The following PLPP4 variants were observed in gnomAD, a reference collection of about 807,000 sequenced individuals.
PLPP4 encodes the protein phospholipid phosphatase 4, also known as diacylglycerol pyrophosphate like 2.
Under a neutral mutation model 32.2 loss-of-function variants are expected in PLPP4, and 20 were observed. The ratio of observed to expected loss-of-function variants is 0.62; its 90% confidence interval spans 0.44 to 0.90. The LOEUF (loss-of-function observed/expected upper bound fraction) is 0.90. Among genes scored for constraint, PLPP4 ranks in the 40% least tolerant of loss-of-function variants. The probability of loss-of-function intolerance (pLI) is 0.00; values close to 1 mark genes in which losing one functional copy is unlikely to be tolerated. For missense variants in PLPP4, 257 were observed against 353.1 expected, an observed-to-expected ratio of 0.73 and a Z score of 2.18; for synonymous variants, 127 against 133.0, an observed-to-expected ratio of 0.95 and a Z score of 0.31.
At chr10:120,469,227 CT>C (rs540404965) in intron 1 of PLPP4, among the ~76,000 whole-genome samples, 12,325 of 32,240 alleles carry the variant, frequency 0.38, 4,319 homozygotes, top group South Asian at 0.71. Flanking sequence ...GGAACTGCAA[CT>C]TTTTTTTTTT....
At chr10:120,541,280 A>G (rs967361913) in intron 5 of PLPP4, among the ~76,000 whole-genome samples, 1 of 152,198 alleles carries the variant, frequency 6.6e-6, no homozygotes, top group Non-Finnish European at 1.5e-5. Context: ...ATTGATTTCT[A>G]GAATGGGAGT....
intron 5 of PLPP4, among the ~76,000 whole-genome samples, chr10:120,572,379 A>G (rs550985908): frequency 6.6e-6 from 1 of 152,316 alleles, no homozygotes; most frequent in African/African-American, 2.4e-5. Flanking sequence ...TGTAGGCAGT[A>G]TTGGTTGCTT....
At chr10:120,457,414 C>T in intron 1 of PLPP4, 53 bp downstream of exon 1, 1 of 1,482,120 alleles carries the variant, frequency 6.7e-7, no homozygotes, top group Non-Finnish European at 9.1e-7. Context: ...GAACAACCGA[C>T]CAAGCCTCTC....
intron 5 of PLPP4, among the ~76,000 whole-genome samples, chr10:120,572,825 G>A (rs190953035): frequency 6.6e-6 from 1 of 152,320 alleles, no homozygotes; most frequent in East Asian, 1.9e-4. Context: ...AAGTCGTTGT[G>A]CTTGCTACGT....
intron 5 of PLPP4, among the ~76,000 whole-genome samples, chr10:120,573,075 C>CA (rs1312777017): frequency 6.6e-6 from 1 of 152,058 alleles, no homozygotes. Flanking sequence ...AAAACAACAA[C>CA]AAAAAACCAG....
chr10:120,586,096 G>T (rs565238102), intron 6 of PLPP4, among the ~76,000 whole-genome samples: 33 of 151,440 alleles, frequency 2.2e-4, no homozygotes, highest in Non-Finnish European at 4.3e-4. Context: ...CCAAAGAGAA[G>T]ATATGACCTA....
chr10:120,487,390 A>T (rs907704062), intron 1 of PLPP4, among the ~76,000 whole-genome samples: 1 of 152,340 alleles, frequency 6.6e-6, no homozygotes, highest in Middle Eastern at 3.4e-3. Context: ...TTAAAGCGGG[A>T]TCGTTCTGAT....
intron 1 of PLPP4, among the ~76,000 whole-genome samples, chr10:120,499,770 G>A (rs768034457): frequency 1.1e-4 from 16 of 152,106 alleles, no homozygotes; most frequent in Non-Finnish European, 2.2e-4. Flanking sequence ...GGGAACCGCC[G>A]ACCTAACACA....
Position 120,575,129 on chromosome 10 carries a change from A to G in PLPP4, c.446-2A>G. 1 of 1,612,414 alleles carries G rather than the reference A, an allele frequency of 6.2e-7. No homozygotes were observed. The highest frequency in any genetic ancestry group is 8.5e-7 in the Non-Finnish European group (1 of 1,178,968). ...GTAACACCTGCTGTTTCTGTTTGGCAGTTGCCTTTTCGGGCCTTGGCTTCA... is the reference window on the plus strand; with the variant it reads ...GTAACACCTGCTGTTTCTGTTTGGCGGTTGCCTTTTCGGGCCTTGGCTTCA... On this transcript the variant is annotated splice_acceptor_variant, in intron 5 of 6. Coordinates refer to ENST00000398250, the MANE Select transcript of PLPP4 (RefSeq NM_001030059.3). LOFTEE classifies it high-confidence loss of function.
At chr10:120,528,842 TA>T (rs1381052839) in intron 5 of PLPP4, among the ~76,000 whole-genome samples, 2 of 152,178 alleles carry the variant, frequency 1.3e-5, no homozygotes, top group Non-Finnish European at 2.9e-5. Flanking sequence ...TTTAGATTTT[TA>T]AAAAATAATT....
chr10:120,590,502 G>A lies in PLPP4; in HGVS notation c.*1000G>A, dbSNP rs541505251. Among the ~76,000 whole-genome samples the A allele has an allele frequency of 6.6e-6, 1 of 152,304 alleles. No individual in the cohort carries two copies. Among genetic ancestry groups the A allele is most frequent in the Admixed American group, 6.5e-5 (1 of 15,304 alleles). On this transcript the variant is annotated 3_prime_UTR_variant, in exon 7 of 7. Coordinates refer to ENST00000398250, the MANE Select transcript of PLPP4 (RefSeq NM_001030059.3). Reference sequence around the variant, plus strand: ...TTCCTATCTAGCTGGCAATATTTCAGCATGATAGGACTCTGGTAGAAGGTA... The same window carrying A: ...TTCCTATCTAGCTGGCAATATTTCAACATGATAGGACTCTGGTAGAAGGTA...
chr10:120,464,216 T>G (rs1848210304), intron 1 of PLPP4, among the ~76,000 whole-genome samples: 1 of 152,216 alleles, frequency 6.6e-6, no homozygotes, highest in African/African-American at 2.4e-5. Flanking sequence ...TATTCATGAA[T>G]GTAAGAATAT....
At chr10:120,463,832 A>G (rs1285088728) in intron 1 of PLPP4, among the ~76,000 whole-genome samples, 2 of 150,738 alleles carry the variant, frequency 1.3e-5, no homozygotes, top group Non-Finnish European at 3.0e-5. Flanking sequence ...TTTTGTATAT[A>G]TAGATAGAGT....
chr10:120,526,138 G>T (rs1846378719), intron 5 of PLPP4, among the ~76,000 whole-genome samples: 1 of 151,870 alleles, frequency 6.6e-6, no homozygotes, highest in Admixed American at 6.6e-5. Flanking sequence ...AGCTTCTATA[G>T]AATTTTTATT....
chr10:120,494,542 A>G (rs1238037589), intron 1 of PLPP4, among the ~76,000 whole-genome samples: 1 of 152,208 alleles, frequency 6.6e-6, no homozygotes, highest in South Asian at 2.1e-4. Context: ...CAGTCTTTGC[A>G]TCTGAGTTGG....
chr10:120,555,536 T>C (rs983841036), intron 5 of PLPP4, among the ~76,000 whole-genome samples: 4 of 152,226 alleles, frequency 2.6e-5, no homozygotes, highest in Non-Finnish European at 5.9e-5. Context: ...GGTCAGCTAC[T>C]GAAACTCCAA....
intron 5 of PLPP4, among the ~76,000 whole-genome samples, chr10:120,532,418 A>G (rs1358034882): frequency 2.0e-5 from 3 of 152,224 alleles, no homozygotes; most frequent in Non-Finnish European, 4.4e-5. Context: ...TTAGATCTTG[A>G]CATCAGACAA....
intron 1 of PLPP4, chr10:120,503,460 C>G: frequency 7.5e-7 from 1 of 1,325,998 alleles, no homozygotes; most frequent in South Asian, 1.3e-5. Context: ...ACCTCAAACC[C>G]ATTTTGTTTT....
chr10:120,500,366 A>T (rs1389401935), intron 1 of PLPP4, among the ~76,000 whole-genome samples: 1 of 152,134 alleles, frequency 6.6e-6, no homozygotes, highest in African/African-American at 2.4e-5. Context: ...CACAGTGTCA[A>T]TCGCACCCTG....
Sources: allele counts gnomAD v4.1 joint callset (sites outside exome capture counted in the v4.1 genomes callset), GRCh38; gene constraint gnomAD v4.1.1; transcripts MANE v1.5; gene names NCBI Gene and HGNC (gene_info 2026-07-23, HGNC 2026-07-21).